Variants in TRPC5 observed in about 807,000 individuals in gnomAD.
TRPC5 encodes the protein short transient receptor potential channel 5.
In TRPC5, 9 loss-of-function variants were observed where a neutral mutation model predicts 56.5. The ratio of observed to expected loss-of-function variants is 0.16; its 90% CI spans 0.10 to 0.28. TRPC5 has a LOEUF of 0.28. Among genes scored for constraint, TRPC5 ranks in the 10% least tolerant of loss-of-function variants. The probability of loss-of-function intolerance (pLI) is 1.00; values close to 1 mark genes in which losing one functional copy is unlikely to be tolerated. For missense variants in TRPC5, 469 were observed against 748.9 expected, an observed-to-expected ratio of 0.63 and a Z score of 4.36; for synonymous variants, 282 against 278.5, an observed-to-expected ratio of 1.01 and a Z score of -0.13.
intron 7 of TRPC5, among the ~76,000 whole-genome samples, chrX:111,830,641 C>G (rs1922380725): frequency 9.0e-6 from 1 of 111,632 alleles, no homozygotes; most frequent in Non-Finnish European, 1.9e-5. Flanking sequence ...GGGCTCTTCC[C>G]CCTTCCCTCT....
At chrX:111,905,186 C>G (rs185953494) in intron 3 of TRPC5, among the ~76,000 whole-genome samples, 1 of 110,169 alleles carries the variant, frequency 9.1e-6, no homozygotes, top group East Asian at 2.9e-4. Flanking sequence ...TACATGAAAG[C>G]TATTGTGTTT....
intron 1 of TRPC5, among the ~76,000 whole-genome samples, chrX:111,963,667 A>G (rs975277960): frequency 4.5e-4 from 50 of 111,653 alleles, no homozygotes; most frequent in Non-Finnish European, 7.7e-4. Context: ...GCGGTTCACC[A>G]ATATCCGCTG....
intron 2 of TRPC5, among the ~76,000 whole-genome samples, chrX:111,934,567 A>T (rs1243856724): frequency 2.7e-5 from 3 of 110,514 alleles, no homozygotes; most frequent in Non-Finnish European, 5.7e-5. Flanking sequence ...GCTCTTTTTC[A>T]TTCTATCTAT....
intron 1 of TRPC5, among the ~76,000 whole-genome samples, chrX:111,952,678 C>T (rs1927126787): frequency 9.0e-6 from 1 of 111,128 alleles, no homozygotes; most frequent in Non-Finnish European, 1.9e-5. Flanking sequence ...GAGTAAGTTA[C>T]TCAAGCCCTC....
chrX:111,833,548 T>C (rs1922473213), intron 7 of TRPC5, among the ~76,000 whole-genome samples: 1 of 111,283 alleles, frequency 9.0e-6, no homozygotes, highest in African/African-American at 3.3e-5. Context: ...AGAAATTCTA[T>C]AGACCCACCT....
intron 1 of TRPC5, among the ~76,000 whole-genome samples, chrX:112,046,900 A>C (rs759398839): frequency 1.8e-5 from 2 of 111,268 alleles, no homozygotes; most frequent in Admixed American, 9.5e-5. Flanking sequence ...TGTCTCACTT[A>C]TCCTGACCAC....
chrX:111,793,159 G>A (rs1463174001), intron 7 of TRPC5, among the ~76,000 whole-genome samples: 1 of 110,917 alleles, frequency 9.0e-6, no homozygotes, highest in Non-Finnish European at 1.9e-5. Flanking sequence ...GGGGGCTGTA[G>A]TTCATCCTAC....
At chrX:111,998,501 C>T (rs1928607170) in intron 1 of TRPC5, among the ~76,000 whole-genome samples, 1 of 111,406 alleles carries the variant, frequency 9.0e-6, no homozygotes, top group African/African-American at 3.3e-5. Context: ...CCCTTGTATT[C>T]CAAAATCCAA....
At chrX:111,980,019 C>T (rs534306758) in intron 1 of TRPC5, among the ~76,000 whole-genome samples, 1 of 111,452 alleles carries the variant, frequency 9.0e-6, no homozygotes, top group South Asian at 3.7e-4. Context: ...AAAAATTGTA[C>T]GTGAATTTTC....
intron 5 of TRPC5, among the ~76,000 whole-genome samples, chrX:111,850,102 G>A (rs1923042640): frequency 9.0e-6 from 1 of 111,346 alleles, no homozygotes; most frequent in Admixed American, 9.6e-5. Flanking sequence ...ACTGACTGAA[G>A]GAAAGGCCAT....
At chrX:112,013,003 C>T (rs1019397991) in intron 1 of TRPC5, among the ~76,000 whole-genome samples, 1 of 111,620 alleles carries the variant, frequency 9.0e-6, no homozygotes, top group Non-Finnish European at 1.9e-5. Flanking sequence ...AGTATTTTGC[C>T]GGGTGCTGGA....
chrX:111,784,426 A>C (rs1453835443), intron 7 of TRPC5, among the ~76,000 whole-genome samples: 2 of 112,272 alleles, frequency 1.8e-5, no homozygotes, highest in African/African-American at 6.5e-5. Context: ...ACAATATATA[A>C]AGAATAATTA....
In TRPC5 at chrX:111,924,871, T is replaced by C. The variant is rs371243320; in HGVS notation, c.379-12059A>G. 2.2e-4 allele frequency among the ~76,000 whole-genome samples: 25 copies of C among 112,433 alleles called. 1 individual carries two copies. Among genetic ancestry groups the C allele is most frequent in the Admixed American group, 2.0e-3 (21 of 10,603 alleles). On this transcript the variant is annotated intron_variant, in intron 2 of 10. Transcript: ENST00000262839. ...AGGAGTTAATTCCTCTTCCTGTGGCTATCCTTGATCTTTTCAGGAAATAAA... is the reference window on the plus strand; with the variant it reads ...AGGAGTTAATTCCTCTTCCTGTGGCCATCCTTGATCTTTTCAGGAAATAAA...
intron 1 of TRPC5, among the ~76,000 whole-genome samples, chrX:111,956,801 G>A (rs1332253061): frequency 8.9e-6 from 1 of 111,837 alleles, no homozygotes; most frequent in Non-Finnish European, 1.9e-5. Flanking sequence ...CCCCTTGACA[G>A]TATCCTTGTT....
chrX:111,890,587 G>C (rs1045871546), intron 3 of TRPC5, among the ~76,000 whole-genome samples: 2 of 111,737 alleles, frequency 1.8e-5, no homozygotes, highest in Non-Finnish European at 3.8e-5. Context: ...TTGTGTTCTT[G>C]CTGATATCTT....
At chrX:111,942,356 C>T (rs527731375) in intron 2 of TRPC5, among the ~76,000 whole-genome samples, 19 of 112,167 alleles carry the variant, frequency 1.7e-4, no homozygotes, top group African/African-American at 5.5e-4. Flanking sequence ...TAATCATTTG[C>T]TGAAACTCTG....
chrX:112,032,346 C>CAAAAA (rs59674570), intron 1 of TRPC5, among the ~76,000 whole-genome samples: 6 of 96,502 alleles, frequency 6.2e-5, no homozygotes, highest in African/African-American at 2.2e-4. Context: ...GAAGGTTCCT[C>CAAAAA]AAAAAAAAAA....
chrX:111,854,911 G>T (rs1223575621), intron 3 of TRPC5, among the ~76,000 whole-genome samples: 1 of 111,561 alleles, frequency 9.0e-6, no homozygotes, highest in South Asian at 3.8e-4. Flanking sequence ...ACCCAGCTGG[G>T]ATTTTACTCA....
Position 111,953,575 on chromosome X carries a change from C to T in TRPC5, c.-21-1134G>A, listed in dbSNP as rs775832645. On this transcript the variant is annotated intron_variant, in intron 1 of 10. Transcript: ENST00000262839. ...GCTCAGATCTATTAGGTGTTGGCTCCACTTTTCCCCTCATCCCTGAGGCCT... is the reference window on the plus strand; with the variant it reads ...GCTCAGATCTATTAGGTGTTGGCTCTACTTTTCCCCTCATCCCTGAGGCCT... 2.7e-5 allele frequency among the ~76,000 whole-genome samples: 3 copies of T among 111,951 alleles called. No homozygotes were observed. In the South Asian group the frequency reaches 1.1e-3, roughly 43 times the overall value.
Sources: gnomAD v4.1 joint callset for allele counts (sites outside exome capture counted in the v4.1 genomes callset) on GRCh38, gnomAD v4.1.1 for gene constraint, MANE v1.5 for transcripts, NCBI Gene and HGNC (gene_info 2026-07-23, HGNC 2026-07-21) for gene names.